ZBTB16: variants seen among roughly 807,000 people sequenced by gnomAD.
The protein encoded by ZBTB16 is zinc finger and BTB domain containing 16.
ZBTB16 carries 8 observed loss-of-function variants against 56.8 expected under a neutral mutation model. That is an observed-to-expected ratio of 0.14 (90% CI 0.08 to 0.25). The LOEUF (loss-of-function observed/expected upper bound fraction) is 0.25. Ranked by LOEUF, ZBTB16 falls within the 10% of genes least tolerant of loss-of-function variation. The pLI, the probability that ZBTB16 is intolerant of heterozygous loss-of-function variation, is 1.00. For missense variants in ZBTB16, 625 were observed against 903.0 expected (o/e 0.69, Z 3.95); for synonymous variants, 363 against 368.5 (o/e 0.98, Z 0.17).
At position 114,132,069 on chromosome 11, in the gene ZBTB16, A is replaced by AG. The variant is rs562013950; in HGVS notation, c.1269-24268_1269-24267insG. Among the ~76,000 whole-genome samples the AG allele has an allele frequency of 6.2e-3, 939 of 152,262 alleles. 12 individuals are homozygous for AG. Among genetic ancestry groups the AG allele is most frequent in the African/African-American group, 0.021 (876 of 41,548 alleles). ...CCTCCTTTATGACAGTAAAAAAAAA[A>AG]TCTTTTAAACTTAATTTCAAATGAA... On this transcript the variant is annotated intron_variant, in intron 2 of 6. Coordinates refer to ENST00000335953, the MANE Select transcript of ZBTB16 (RefSeq NM_006006.6).
At chr11:114,215,812 A>G (rs1315031452) in intron 4 of ZBTB16, among the ~76,000 whole-genome samples, 2 of 152,160 alleles carry the variant, frequency 1.3e-5, no homozygotes, top group African/African-American at 4.8e-5. Flanking sequence ...CAGATCTTAC[A>G]GGTAGATGTT....
At chr11:114,124,646 C>T (rs1392487098) in intron 2 of ZBTB16, among the ~76,000 whole-genome samples, 11 of 152,084 alleles carry the variant, frequency 7.2e-5, no homozygotes, top group South Asian at 2.1e-4. Context: ...CTCACCATTT[C>T]GGCCACTGGC....
At chr11:114,142,042 G>T (rs1941963250) in intron 2 of ZBTB16, among the ~76,000 whole-genome samples, 1 of 152,212 alleles carries the variant, frequency 6.6e-6, no homozygotes, top group African/African-American at 2.4e-5. Context: ...CTCTTGGCTT[G>T]TGCTCAGGAA....
At chr11:114,130,336 C>A (rs1941627279) in intron 2 of ZBTB16, among the ~76,000 whole-genome samples, 1 of 152,180 alleles carries the variant, frequency 6.6e-6, no homozygotes, top group Admixed American at 6.5e-5. Context: ...CCCTTGTGCA[C>A]CCTGCAGGGT....
intron 2 of ZBTB16, among the ~76,000 whole-genome samples, chr11:114,097,879 G>T (rs1940474726): frequency 6.6e-6 from 1 of 152,088 alleles, no homozygotes; most frequent in Admixed American, 6.5e-5. Context: ...AATATCTGTG[G>T]CCTTACAACA....
At chr11:114,171,104 C>T (rs1326364311) in intron 3 of ZBTB16, among the ~76,000 whole-genome samples, 1 of 152,140 alleles carries the variant, frequency 6.6e-6, no homozygotes, top group Non-Finnish European at 1.5e-5. Context: ...ACAGGTGCAG[C>T]CTTTGAAGCT....
At chr11:114,183,462 G>T (rs995357124) in intron 3 of ZBTB16, among the ~76,000 whole-genome samples, 1 of 152,246 alleles carries the variant, frequency 6.6e-6, no homozygotes, top group East Asian at 1.9e-4. Context: ...AGTCATTAAA[G>T]CGAGAAGCTC....
At chr11:114,076,121 G>T (rs539736381) in intron 2 of ZBTB16, among the ~76,000 whole-genome samples, 2 of 152,170 alleles carry the variant, frequency 1.3e-5, no homozygotes, top group Admixed American at 1.3e-4. Flanking sequence ...AAAGCATGCC[G>T]GAATCTGGCC....
At chr11:114,072,921 G>A (rs1232525255) in intron 2 of ZBTB16, among the ~76,000 whole-genome samples, 1 of 151,864 alleles carries the variant, frequency 6.6e-6, no homozygotes, top group Non-Finnish European at 1.5e-5. Context: ...GCGTGGTGGG[G>A]GGCGCCTGTA....
chr11:114,162,388 T>A (rs149695025), intron 3 of ZBTB16, among the ~76,000 whole-genome samples: 2 of 152,332 alleles, frequency 1.3e-5, no homozygotes, highest in African/African-American at 4.8e-5. Flanking sequence ...GCTGGAAAAT[T>A]CCCTGTGACT....
At chr11:114,158,386 GC>G (rs1429926380) in intron 3 of ZBTB16, among the ~76,000 whole-genome samples, 1 of 152,094 alleles carries the variant, frequency 6.6e-6, no homozygotes, top group Non-Finnish European at 1.5e-5. Flanking sequence ...GGGCTCTGTG[GC>G]TTTGTTTGCC....
chr11:114,234,569 G>A (rs1019666571), intron 4 of ZBTB16, among the ~76,000 whole-genome samples: 29 of 152,204 alleles, frequency 1.9e-4, no homozygotes, highest in Non-Finnish European at 3.2e-4. Context: ...TGAAACTCAT[G>A]CCCAAGAGGA....
chr11:114,236,552 C>A (rs1004551954), intron 4 of ZBTB16, among the ~76,000 whole-genome samples: 1 of 152,134 alleles, frequency 6.6e-6, no homozygotes, highest in Non-Finnish European at 1.5e-5. Flanking sequence ...AGATCCGCTG[C>A]CTGTGGGTCA....
chr11:114,148,469 C>CTCTCTCTCTCTTTCTTTCTT (rs36194689), intron 2 of ZBTB16, among the ~76,000 whole-genome samples: 3 of 60,940 alleles, frequency 4.9e-5, no homozygotes, highest in African/African-American at 1.6e-4. Flanking sequence ...CTCTCTCTCT[C>CTCTCTCTCTCTTTCTTTCTT]TCTTTCTTTC....
In ZBTB16 at chr11:114,253,239, TCACTCCCATGCCCTTCC is replaced by T. The variant is rs576923263; in HGVS notation, c.*2690_*2706del. The stretch of plus-strand genomic sequence containing the variant: ...TATTCCATAGAACTAGCTGGCCCCC[TCACTCCCATGCCCTTCC>T]CACTCAGCCTGGGCCCCTCCCCGCT... On this transcript the variant is annotated 3_prime_UTR_variant, in exon 7 of 7. Transcript: ENST00000335953. Among the ~76,000 whole-genome samples the T allele has an allele frequency of 6.6e-6, 1 of 152,282 alleles. No individual in the cohort carries two copies. Among genetic ancestry groups the T allele is most frequent in the Admixed American group, 6.5e-5 (1 of 15,296 alleles).
intron 2 of ZBTB16, among the ~76,000 whole-genome samples, chr11:114,065,143 C>T (rs1939063866): frequency 6.6e-6 from 1 of 152,148 alleles, no homozygotes; most frequent in Non-Finnish European, 1.5e-5. Flanking sequence ...ATTCTCTGAT[C>T]CTGCACATGC....
rs1217188156 is a variant in ZBTB16 at position 114,064,917 on chromosome 11, G to C, written c.1268+349G>C. On this transcript the variant is annotated intron_variant, in intron 2 of 6. Coordinates refer to ENST00000335953, the MANE Select transcript of ZBTB16 (RefSeq NM_006006.6). The surrounding 1 kb of genome is among the most constrained non-coding windows in gnomAD (Gnocchi z 4.2). The stretch of plus-strand genomic sequence containing the variant: ...GATAAAATGGAGAGAAGGAGAAAAG[G>C]AGTGGGATGAGGGTCTCTTGGGCCC... 6.6e-6 allele frequency among the ~76,000 whole-genome samples: 1 copy of C among 152,118 alleles called. No homozygotes were observed. Among genetic ancestry groups the C allele is most frequent in the Non-Finnish European group, 1.5e-5 (1 of 68,034 alleles).
intron 2 of ZBTB16, among the ~76,000 whole-genome samples, chr11:114,142,785 A>G (rs1941990560): frequency 1.3e-5 from 2 of 152,122 alleles, no homozygotes; most frequent in East Asian, 1.9e-4. Flanking sequence ...GGGATTGTGG[A>G]GGAGAAAGCT....
intron 3 of ZBTB16, among the ~76,000 whole-genome samples, chr11:114,183,632 G>A (rs1313584791): frequency 6.6e-6 from 1 of 152,212 alleles, no homozygotes; most frequent in Admixed American, 6.5e-5. Context: ...TTAGGGAGCT[G>A]TGAGAGCGGA....
Sources: gnomAD v4.1 joint callset for allele counts (sites outside exome capture counted in the v4.1 genomes callset) on GRCh38, gnomAD v4.1.1 for gene constraint, Gnocchi (gnomAD v3.1) non-coding constraint, MANE v1.5 for transcripts, NCBI Gene and HGNC (gene_info 2026-07-23, HGNC 2026-07-21) for gene names.